The following CDH12 variants were observed in gnomAD, a reference collection of about 807,000 sequenced individuals.
CDH12 encodes the protein cadherin-12.
Under a neutral mutation model 74.1 loss-of-function variants are expected in CDH12, and 41 were observed. That is an observed-to-expected ratio of 0.55 (90% confidence interval 0.43 to 0.72). CDH12 has a LOEUF of 0.72. CDH12 is among the 30% of genes least tolerant of loss of function. The probability of loss-of-function intolerance (pLI) is 0.00; values close to 1 mark genes in which losing one functional copy is unlikely to be tolerated. For synonymous variants in CDH12, 399 were observed against 355.0 expected (o/e 1.12, Z -1.39); for missense variants, 945 against 977.2 (o/e 0.97, Z 0.44).
At chr5:22,803,746 A>G (rs2126425734) in intron 1 of CDH12, among the ~76,000 whole-genome samples, 1 of 152,294 alleles carries the variant, frequency 6.6e-6, no homozygotes, top group African/African-American at 2.4e-5. Flanking sequence ...AAGTGTTTGG[A>G]AGCCTTCCTG....
At chr5:22,492,324 C>A (rs1471521276) in intron 2 of CDH12, among the ~76,000 whole-genome samples, 1 of 149,918 alleles carries the variant, frequency 6.7e-6, no homozygotes, top group Non-Finnish European at 1.5e-5. Flanking sequence ...TACCACACTC[C>A]ATGCCTACAG....
At chr5:21,762,625 A>T (rs1228744172) in intron 12 of CDH12, among the ~76,000 whole-genome samples, 1 of 152,120 alleles carries the variant, frequency 6.6e-6, no homozygotes, top group Non-Finnish European at 1.5e-5. Flanking sequence ...AACCCCATAA[A>T]TATATTTTAG....
chr5:22,159,914 TGC>T (rs1748228997), intron 4 of CDH12, among the ~76,000 whole-genome samples: 1 of 152,170 alleles, frequency 6.6e-6, no homozygotes, highest in Non-Finnish European at 1.5e-5. Flanking sequence ...TGTGTCTGTG[TGC>T]GTGTGTGCGT....
chr5:22,436,058 C>T (rs1561402646), intron 2 of CDH12, among the ~76,000 whole-genome samples: 1 of 151,412 alleles, frequency 6.6e-6, no homozygotes, highest in Non-Finnish European at 1.5e-5. Context: ...GAAAATGTGG[C>T]ACATAAACAC....
chr5:22,532,247 T>C (rs1737615485), intron 1 of CDH12, among the ~76,000 whole-genome samples: 1 of 149,658 alleles, frequency 6.7e-6, no homozygotes, highest in African/African-American at 2.5e-5. Context: ...GGATGTCTGT[T>C]AAGAAAGGAA....
At chr5:22,397,637 T>A (rs1257536466) in intron 3 of CDH12, among the ~76,000 whole-genome samples, 3 of 152,134 alleles carry the variant, frequency 2.0e-5, no homozygotes, top group Non-Finnish European at 2.9e-5. Context: ...ATATGGCAAA[T>A]CAGGCACTGG....
intron 6 of CDH12, among the ~76,000 whole-genome samples, chr5:21,864,520 T>C (rs35772334): frequency 0.045 from 6,799 of 152,256 alleles, 288 homozygotes; most frequent in East Asian, 0.14. Flanking sequence ...CTTCTCAATC[T>C]TGGACTGCCT....
rs78086493 is a variant in CDH12 at position 22,092,831 on chromosome 5, G to A, written c.-186-13969C>T. On this transcript the variant is annotated intron_variant, in intron 4 of 14. Transcript: ENST00000382254. ...CCCAGCAGCATTATTAATCATAGCCGAACAGTGGAAACAAATTACATAAAA... is the reference window on the plus strand; with the variant it reads ...CCCAGCAGCATTATTAATCATAGCCAAACAGTGGAAACAAATTACATAAAA... 7.6e-3 allele frequency among the ~76,000 whole-genome samples: 1,152 copies of A among 152,172 alleles called. 16 individuals carry two copies. The highest frequency in any genetic ancestry group is 0.027 in the African/African-American group (1,101 of 41,532).
rs190548608 is a variant in CDH12 at position 22,773,267 on chromosome 5, C to T, written c.-523+79791G>A. 1.7e-3 allele frequency among the ~76,000 whole-genome samples: 261 copies of T among 152,098 alleles called. 6 individuals are homozygous for T. The highest frequency in any genetic ancestry group is 0.016 in the Admixed American group (241 of 15,248). On this transcript the variant is annotated intron_variant, in intron 1 of 14. Transcript: ENST00000382254. ...GACTTCAAACTATACTATAAATGTACAGTAACCAAAACAGCACGGTACTGG... is the reference window on the plus strand; with the variant it reads ...GACTTCAAACTATACTATAAATGTATAGTAACCAAAACAGCACGGTACTGG...
At chr5:22,556,430 A>G (rs2126741701) in intron 1 of CDH12, among the ~76,000 whole-genome samples, 1 of 152,220 alleles carries the variant, frequency 6.6e-6, no homozygotes, top group South Asian at 2.1e-4. Context: ...TAGTGACTTC[A>G]GGCACAAATG....
intron 1 of CDH12, among the ~76,000 whole-genome samples, chr5:22,802,632 T>C (rs1052966901): frequency 3.3e-5 from 5 of 152,036 alleles, no homozygotes; most frequent in Non-Finnish European, 5.9e-5. Flanking sequence ...GAGGCTTGTA[T>C]TTTCAGAGTG....
At chr5:22,582,178 A>C (rs534103485) in intron 1 of CDH12, among the ~76,000 whole-genome samples, 2 of 152,114 alleles carry the variant, frequency 1.3e-5, no homozygotes, top group South Asian at 4.1e-4. Flanking sequence ...TCATTAGCTC[A>C]GTGTTGATGT....
chr5:22,674,308 C>A (rs1054501907), intron 1 of CDH12, among the ~76,000 whole-genome samples: 1 of 152,102 alleles, frequency 6.6e-6, no homozygotes, highest in African/African-American at 2.4e-5. Flanking sequence ...CTTGGGAGAT[C>A]TGATGATTTT....
intron 3 of CDH12, among the ~76,000 whole-genome samples, chr5:22,291,307 G>A (rs538724448): frequency 5.1e-4 from 78 of 152,164 alleles, no homozygotes; most frequent in African/African-American, 1.8e-3. Flanking sequence ...AAAATGAAAA[G>A]AATGCCAACT....
intron 4 of CDH12, among the ~76,000 whole-genome samples, chr5:22,089,003 A>G (rs1213743572): frequency 6.6e-6 from 1 of 152,216 alleles, no homozygotes; most frequent in African/African-American, 2.4e-5. Context: ...ACTCAGACGC[A>G]GCAGTACAAT....
At chr5:22,679,460 T>C (rs1445619427) in intron 1 of CDH12, among the ~76,000 whole-genome samples, 1 of 152,064 alleles carries the variant, frequency 6.6e-6, no homozygotes, top group Non-Finnish European at 1.5e-5. Context: ...TTTCCAAAAA[T>C]TTTAATTAGA....
In CDH12 at chr5:22,453,839, G is replaced by A. The variant is rs111969094; in HGVS notation, c.-427-48488C>T. 3.6e-3 allele frequency among the ~76,000 whole-genome samples: 552 copies of A among 151,842 alleles called. 6 individuals are homozygous for A. Among genetic ancestry groups the A allele is most frequent in the African/African-American group, 0.013 (525 of 41,414 alleles). On this transcript the variant is annotated intron_variant, in intron 2 of 14. Coordinates refer to ENST00000382254, the MANE Select transcript of CDH12 (RefSeq NM_004061.5). ...ATACATGTATATATATTTTTCCTTTGTAATTTTGTACCAAAATTATTACTA... is the reference window on the plus strand; with the variant it reads ...ATACATGTATATATATTTTTCCTTTATAATTTTGTACCAAAATTATTACTA...
intron 6 of CDH12, among the ~76,000 whole-genome samples, chr5:21,858,313 C>T (rs1750859592): frequency 1.3e-5 from 2 of 151,906 alleles, no homozygotes; most frequent in South Asian, 2.1e-4. Flanking sequence ...CAGTAATTCG[C>T]AAGCAAACAT....
intron 1 of CDH12, among the ~76,000 whole-genome samples, chr5:22,566,702 G>A (rs1050750896): frequency 5.3e-5 from 8 of 152,084 alleles, no homozygotes; most frequent in Non-Finnish European, 7.4e-5. Flanking sequence ...GGGTCCTGAC[G>A]TAGTACATTA....
Sources: gnomAD v4.1 joint callset for allele counts (sites outside exome capture counted in the v4.1 genomes callset) on GRCh38, gnomAD v4.1.1 for gene constraint, MANE v1.5 for transcripts, NCBI Gene and HGNC (gene_info 2026-07-23, HGNC 2026-07-21) for gene names.